KPNA6: variants seen among roughly 807,000 people sequenced by gnomAD.
KPNA6 encodes the protein importin subunit alpha-7.
Under a neutral mutation model 72.0 loss-of-function variants are expected in KPNA6, and 9 were observed. The observed-to-expected ratio is 0.13, with a 90% CI of 0.08 to 0.22. KPNA6 has a LOEUF of 0.22. Ranked by LOEUF, KPNA6 falls within the 10% of genes least tolerant of loss-of-function variation. The probability of loss-of-function intolerance (pLI) is 1.00; values close to 1 mark genes in which losing one functional copy is unlikely to be tolerated. For synonymous variants in KPNA6, 219 were observed against 242.1 expected (o/e 0.90, Z 0.89); for missense variants, 374 against 655.7 (o/e 0.57, Z 4.69).
In KPNA6 at chr1:32,131,115, G is replaced by A. The variant is rs61409330; in HGVS notation, c.4+22981G>A. On this transcript the variant is annotated intron_variant, in intron 1 of 13. Coordinates refer to ENST00000373625, the MANE Select transcript of KPNA6 (RefSeq NM_012316.5). The stretch of plus-strand genomic sequence containing the variant: ...TCGAGACCAGCCTGGCCAACATGGT[G>A]AAACCCCGTCTCTACTAAAAATACA... 2.4e-3 allele frequency among the ~76,000 whole-genome samples: 360 copies of A among 152,224 alleles called. 2 individuals carry two copies. Among genetic ancestry groups the A allele is most frequent in the African/African-American group, 8.2e-3 (339 of 41,536 alleles).
intron 1 of KPNA6, among the ~76,000 whole-genome samples, chr1:32,133,578 C>T (rs1052277513): frequency 1.3e-5 from 2 of 151,328 alleles, no homozygotes; most frequent in African/African-American, 4.9e-5. Context: ...GTGGTCCCAG[C>T]TGTGTGGGAG....
intron 1 of KPNA6, among the ~76,000 whole-genome samples, chr1:32,118,122 C>T (rs2124523404): frequency 6.6e-6 from 1 of 152,192 alleles, no homozygotes; most frequent in Middle Eastern, 3.4e-3. Flanking sequence ...CGGGGTTTCA[C>T]CATGTTGGTC....
At chr1:32,160,770 C>CCACGTGGCAGGTCAATTA (rs1215772473) in intron 7 of KPNA6, 67 bp downstream of exon 7, 5 of 1,095,860 alleles carry the variant, frequency 4.6e-6, no homozygotes, top group Non-Finnish European at 7.1e-6. Flanking sequence ...CATTTGGGGG[C>CCACGTGGCAGGTCAATTA]AGCATACTTG....
At chr1:32,133,817 A>G (rs1029260500) in intron 1 of KPNA6, among the ~76,000 whole-genome samples, 2 of 152,160 alleles carry the variant, frequency 1.3e-5, no homozygotes, top group African/African-American at 4.8e-5. Context: ...AGGCAGGCGG[A>G]TCACTTGAGG....
chr1:32,128,426 T>TATATATATATATATAC (rs1491304508), intron 1 of KPNA6, among the ~76,000 whole-genome samples: 7 of 99,162 alleles, frequency 7.1e-5, no homozygotes, highest in East Asian at 6.4e-4. Flanking sequence ...TATATATATA[T>TATATATATATATATAC]ACACACACAC....
At chr1:32,119,013 TA>T (rs59699585) in intron 1 of KPNA6, among the ~76,000 whole-genome samples, 133 of 75,748 alleles carry the variant, frequency 1.8e-3, no homozygotes, top group African/African-American at 7.2e-3. Context: ...TATATATATA[TA>T]TATATATATA....
intron 1 of KPNA6, among the ~76,000 whole-genome samples, chr1:32,120,972 G>A (rs1265266055): frequency 1.3e-5 from 2 of 151,478 alleles, no homozygotes; most frequent in Non-Finnish European, 2.9e-5. Context: ...GAGTTCAAGC[G>A]TTCAAGCGAC....
chr1:32,158,244 A>G lies in KPNA6; in HGVS notation c.332-23A>G, dbSNP rs374930569. On this transcript the variant is annotated intron_variant, in intron 4 of 13. Coordinates refer to ENST00000373625, the MANE Select transcript of KPNA6 (RefSeq NM_012316.5). ...CAGCAAAAGCTTCTCCTGTGTTTTT[A>G]TTTTCCCTTCTCCCTTATCCAGAGC... The G allele has an allele frequency of 3.2e-5, 49 of 1,537,780 alleles. 1 individual carries two copies. In the Middle Eastern group the frequency reaches 5.1e-4, roughly 16 times the overall value.
intron 1 of KPNA6, among the ~76,000 whole-genome samples, chr1:32,114,441 C>CAAAAAA (rs1251610614): frequency 8.5e-4 from 115 of 135,318 alleles, no homozygotes; most frequent in African/African-American, 3.2e-3. Context: ...AACTCTGTCT[C>CAAAAAA]AAAAAAAAAA....
At chr1:32,141,066 G>A (rs542717974) in intron 1 of KPNA6, among the ~76,000 whole-genome samples, 3 of 152,084 alleles carry the variant, frequency 2.0e-5, no homozygotes, top group Non-Finnish European at 4.4e-5. Flanking sequence ...GATGTTGTAG[G>A]TGTTAGTCCA....
At chr1:32,112,712 TG>T (rs2124519177) in intron 1 of KPNA6, among the ~76,000 whole-genome samples, 1 of 152,232 alleles carries the variant, frequency 6.6e-6, no homozygotes, top group East Asian at 1.9e-4. Flanking sequence ...AGGCTGGTCT[TG>T]AACTCCTGAC....
intron 1 of KPNA6, among the ~76,000 whole-genome samples, chr1:32,121,132 C>T (rs558173176): frequency 6.6e-6 from 1 of 152,294 alleles, no homozygotes; most frequent in South Asian, 2.1e-4. Flanking sequence ...CTCCCTCGGC[C>T]TCCCAGAGTG....
intron 5 of KPNA6, among the ~76,000 whole-genome samples, chr1:32,158,676 C>G (rs1642186404): frequency 6.6e-6 from 1 of 152,134 alleles, no homozygotes; most frequent in Non-Finnish European, 1.5e-5. Flanking sequence ...CATCCCACCC[C>G]CAGTCCCCCA....
At chr1:32,108,189 G>A in intron 1 of KPNA6, 55 bp downstream of exon 1, 2 of 1,611,742 alleles carry the variant, frequency 1.2e-6, no homozygotes, top group Non-Finnish European at 1.7e-6. Context: ...GTCGGGGCCT[G>A]GGATTTGGCG....
intron 1 of KPNA6, among the ~76,000 whole-genome samples, chr1:32,119,359 T>G (rs1241113002): frequency 6.6e-6 from 1 of 151,846 alleles, no homozygotes; most frequent in Non-Finnish European, 1.5e-5. Context: ...AAAGTTAAAT[T>G]TACTAGTCTT....
At chr1:32,131,985 T>TTTC (rs1436577455) in intron 1 of KPNA6, among the ~76,000 whole-genome samples, 1 of 151,868 alleles carries the variant, frequency 6.6e-6, no homozygotes, top group Non-Finnish European at 1.5e-5. Context: ...TTTTTATTTT[T>TTTC]TTTGAGACGG....
rs1433312831 is a variant in KPNA6, at chr1:32,157,253, G to GT, written c.232-87dup. ...CTATTATGCCATCCTCTTGCCCTCA[G>GT]TTTTTTAGAAAACAGGATGCCAAGC... is the stretch of plus-strand genomic sequence containing the variant. On this transcript the variant is annotated intron_variant, in intron 3 of 13. Transcript: ENST00000373625. The GT allele has an allele frequency of 4.2e-6, 4 of 954,526 alleles. No individual in the cohort carries two copies. In the East Asian group the frequency reaches 9.9e-5, roughly 24 times the overall value. 59.1% of individuals were successfully genotyped at this position (954,526 alleles called of 1,614,324 possible).
At chr1:32,145,806 C>T (rs1410116827) in intron 1 of KPNA6, among the ~76,000 whole-genome samples, 1 of 152,132 alleles carries the variant, frequency 6.6e-6, no homozygotes, top group Admixed American at 6.6e-5. Flanking sequence ...TATGCCAGTA[C>T]CACACTGTTT....
intron 1 of KPNA6, among the ~76,000 whole-genome samples, chr1:32,121,424 A>C (rs1421853480): frequency 2.6e-5 from 4 of 152,188 alleles, no homozygotes; most frequent in Non-Finnish European, 5.9e-5. Flanking sequence ...CCTCCAGGGA[A>C]GTTGTTCAAA....
Sources: allele counts gnomAD v4.1 joint callset (sites outside exome capture counted in the v4.1 genomes callset), GRCh38; gene constraint gnomAD v4.1.1; transcripts MANE v1.5; gene names NCBI Gene and HGNC (gene_info 2026-07-23, HGNC 2026-07-21).